GMCL1: variants seen among roughly 807,000 people sequenced by gnomAD.
GMCL1 encodes germ cell-less protein-like 1.
GMCL1 carries 54 observed loss-of-function variants against 75.5 expected under a neutral mutation model. The observed-to-expected ratio is 0.71, with a 90% CI of 0.57 to 0.90. The LOEUF is 0.90. GMCL1 is among the 40% of genes least tolerant of loss of function. The probability of loss-of-function intolerance (pLI) is 0.00; values close to 1 mark genes in which losing one functional copy is unlikely to be tolerated. For synonymous variants in GMCL1, 210 were observed against 209.6 expected, an observed-to-expected ratio of 1.00 and a Z score of -0.02; for missense variants, 537 against 622.7, an observed-to-expected ratio of 0.86 and a Z score of 1.47.
intron 11 of GMCL1, among the ~76,000 whole-genome samples, chr2:69,867,231 CCA>C (rs1264809789): frequency 6.6e-6 from 1 of 152,108 alleles, no homozygotes; most frequent in Admixed American, 6.6e-5. Context: ...TAGGCATGAG[CCA>C]CCACGTCCAG....
At chr2:69,856,451 G>GT (rs1198706532) in intron 9 of GMCL1, among the ~76,000 whole-genome samples, 3 of 152,090 alleles carry the variant, frequency 2.0e-5, no homozygotes. Flanking sequence ...GTCAAGCACA[G>GT]TTCAACTCCA....
intron 13 of GMCL1, among the ~76,000 whole-genome samples, chr2:69,874,026 G>A (rs945327676): frequency 4.0e-5 from 6 of 150,662 alleles, no homozygotes; most frequent in Non-Finnish European, 8.8e-5. Flanking sequence ...TTTTATGAAC[G>A]GCATAATATT....
At position 69,829,863 on chromosome 2, in the gene GMCL1, G is replaced by A. The variant is rs2103932580; in HGVS notation, c.-30G>A. 6.5e-7 allele frequency: 1 copy of A among 1,535,434 alleles called. No homozygotes were observed. On this transcript the variant is annotated 5_prime_UTR_variant, in exon 1 of 14. Coordinates refer to ENST00000282570, the MANE Select transcript of GMCL1 (RefSeq NM_178439.5). ...CATGGCGGGAGACCCCCTTCTCTGG[G>A]CTCCCTGAAGTCTCGGGGAGCCGTG...
chr2:69,859,828 T>C (rs1675591623), intron 9 of GMCL1, among the ~76,000 whole-genome samples: 1 of 150,616 alleles, frequency 6.6e-6, no homozygotes, highest in Admixed American at 6.7e-5. Context: ...TTTTATTAAG[T>C]AGAGACCTAG....
At chr2:69,855,083 A>T in intron 9 of GMCL1, 123 bp downstream of exon 9, 1 of 719,568 alleles carries the variant, frequency 1.4e-6, no homozygotes. Flanking sequence ...ATACATCTTT[A>T]TGCCAAAGTG....
At chr2:69,837,721 T>G in intron 2 of GMCL1, 51 bp downstream of exon 2, 1 of 1,556,876 alleles carries the variant, frequency 6.4e-7, no homozygotes, top group Non-Finnish European at 8.7e-7. Context: ...AACTCTTAAG[T>G]CATGTTCTTC....
intron 1 of GMCL1, among the ~76,000 whole-genome samples, chr2:69,836,982 G>T (rs2103948742): frequency 6.6e-6 from 1 of 152,176 alleles, no homozygotes; most frequent in South Asian, 2.1e-4. Context: ...GAAAAGAAAA[G>T]AAAACCTTTG....
chr2:69,871,833 G>T lies in GMCL1; in HGVS notation c.1452+1G>T. ...AATACTTACACTTGAAAAGGATCAG[G>T]TATGTTCGATTATCTTCTGGTATGT... On this transcript the variant is annotated splice_donor_variant, in intron 13 of 13. Coordinates refer to ENST00000282570, the MANE Select transcript of GMCL1 (RefSeq NM_178439.5). LOFTEE classifies it high-confidence loss of function. 6.5e-7 allele frequency: 1 copy of T among 1,540,344 alleles called. No homozygotes were observed. Among genetic ancestry groups the T allele is most frequent in the Non-Finnish European group, 8.9e-7 (1 of 1,126,060 alleles).
At chr2:69,870,483 A>G (rs1374590995) in intron 12 of GMCL1, among the ~76,000 whole-genome samples, 2 of 152,200 alleles carry the variant, frequency 1.3e-5, no homozygotes, top group Non-Finnish European at 2.9e-5. Flanking sequence ...ACCCAAGCAC[A>G]GGCAACAAAA....
At chr2:69,844,826 C>T in intron 6 of GMCL1, 1 of 373,586 alleles carries the variant, frequency 2.7e-6, no homozygotes, top group South Asian at 2.0e-5. Flanking sequence ...CATGGTTCTT[C>T]ACCGTCACCT....
intron 13 of GMCL1, among the ~76,000 whole-genome samples, chr2:69,878,273 T>C (rs1395858782): frequency 6.6e-6 from 1 of 152,196 alleles, no homozygotes; most frequent in Non-Finnish European, 1.5e-5. Context: ...GAACCCTGCT[T>C]TTTGATGATG....
chr2:69,832,540 G>C (rs1319580118), intron 1 of GMCL1, among the ~76,000 whole-genome samples: 1 of 152,210 alleles, frequency 6.6e-6, no homozygotes, highest in Non-Finnish European at 1.5e-5. Context: ...ATAACAAGTA[G>C]TGGTGAAGTC....
rs1269502468 is a variant in GMCL1, at chr2:69,881,285, G to A, written c.*2281G>A. ...ACACTGGTAGTAAAGATGTGCTTTT[G>A]TTTTCTTACCAAATATTTTTATGTG... is the stretch of plus-strand genomic sequence containing the variant. On this transcript the variant is annotated 3_prime_UTR_variant, in exon 14 of 14. Coordinates refer to ENST00000282570, the MANE Select transcript of GMCL1 (RefSeq NM_178439.5). The A allele has an allele frequency of 2.6e-5, 4 of 152,106 alleles. No homozygotes were observed. Among genetic ancestry groups the A allele is most frequent in the Non-Finnish European group, 4.4e-5 (3 of 67,998 alleles). The allele number at this position is 152,106 out of a possible 1,614,324, so 9.4% of individuals were successfully genotyped here. A position where few individuals can be genotyped will look rare whatever the true frequency, so the allele number is the denominator to read the frequency against.
chr2:69,837,883 A>G (rs1199163775), intron 2 of GMCL1, among the ~76,000 whole-genome samples: 2 of 152,226 alleles, frequency 1.3e-5, no homozygotes, highest in Admixed American at 6.5e-5. Flanking sequence ...AGACTAGCCT[A>G]ATACTACGTA....
At chr2:69,841,969 T>A (rs1057371552) in intron 4 of GMCL1, among the ~76,000 whole-genome samples, 7 of 152,194 alleles carry the variant, frequency 4.6e-5, no homozygotes, top group African/African-American at 1.7e-4. Flanking sequence ...TGAAAATACA[T>A]CTATACATTG....
In GMCL1 at chr2:69,869,858, C is replaced by T. The variant is rs762729456; in HGVS notation, c.1358C>T (p.Ala453Val). ...AGTTTACAGCCTCGAAGGAGCATAG[C>T]ATTTAGGTAGGATGAGATTTCCCCA... ...SVSLQPRRSI[A>V]FRLRLASFDS... Residue 453 changes from alanine to valine, a missense_variant, in exon 12 of 14, where the codon GCA (alanine) becomes GTA (valine). This residue lies in a region of GMCL1 where 345 missense variants were observed against 410.5 expected (regional missense o/e 0.84). Transcript: ENST00000282570. 1 of 1,612,986 alleles carries T rather than the reference C, an allele frequency of 6.2e-7. No homozygotes were observed. The highest frequency in any genetic ancestry group is 8.5e-7 in the Non-Finnish European group (1 of 1,179,464).
At chr2:69,876,850 G>A (rs189966243) in intron 13 of GMCL1, among the ~76,000 whole-genome samples, 57 of 152,246 alleles carry the variant, frequency 3.7e-4, no homozygotes, top group Middle Eastern at 3.4e-3. Context: ...TTAGCCGGGC[G>A]TGGTGGCATG....
rs753648293 is a variant in GMCL1, at chr2:69,879,043, T to G, written c.*39T>G. On this transcript the variant is annotated 3_prime_UTR_variant, in exon 14 of 14. Transcript: ENST00000282570. ...CCAGAAAATCCAGAAAACTGAAGAT[T>G]TCATCAGTTGGAAACAGTAGCACTT... 55 of 1,334,626 alleles carry G rather than the reference T, an allele frequency of 4.1e-5. No individual in the cohort carries two copies. Among genetic ancestry groups the G allele is most frequent in the Admixed American group, 1.2e-4 (7 of 56,834 alleles). 82.7% of individuals were successfully genotyped at this position (1,334,626 alleles called of 1,614,324 possible).
chr2:69,835,808 G>C (rs573430537), intron 1 of GMCL1, among the ~76,000 whole-genome samples: 279 of 152,236 alleles, frequency 1.8e-3, no homozygotes, highest in African/African-American at 6.4e-3. Context: ...AGTTGGCTGT[G>C]GTGCTCTAAG....
Sources: gnomAD v4.1 joint callset for allele counts (sites outside exome capture counted in the v4.1 genomes callset) on GRCh38, gnomAD v4.1.1 for gene constraint, gnomAD v4.1.1 regional missense constraint, MANE v1.5 for transcripts, NCBI Gene and HGNC (gene_info 2026-07-23, HGNC 2026-07-21) for gene names.